TEKT5: variants seen among roughly 807,000 people sequenced by gnomAD.
TEKT5 encodes tektin-5.
Under a neutral mutation model 48.7 loss-of-function variants are expected in TEKT5, and 52 were observed. That is an observed-to-expected ratio of 1.07 (90% CI 0.86 to 1.35). The LOEUF is 1.35. Among genes scored for constraint, TEKT5 ranks in the 40% most tolerant of loss-of-function variants. The probability of loss-of-function intolerance (pLI) is 0.00; values close to 1 mark genes in which losing one functional copy is unlikely to be tolerated. For missense variants in TEKT5, 831 were observed against 641.6 expected (o/e 1.30, Z -3.19); for synonymous variants, 318 against 267.6 (o/e 1.19, Z -1.84).
At chr16:10,678,297 C>A (rs1436583077) in intron 4 of TEKT5, among the ~76,000 whole-genome samples, 1 of 152,094 alleles carries the variant, frequency 6.6e-6, no homozygotes, top group Non-Finnish European at 1.5e-5. Flanking sequence ...CGGGGTTTCA[C>A]CATGTTGGCC....
intron 5 of TEKT5, among the ~76,000 whole-genome samples, chr16:10,646,677 C>T (rs564486942): frequency 6.6e-6 from 1 of 152,216 alleles, no homozygotes; most frequent in South Asian, 2.1e-4. Flanking sequence ...AGTTTGCTCC[C>T]TAAAGAGGAC....
chr16:10,660,252 T>C (rs553485493), intron 5 of TEKT5, among the ~76,000 whole-genome samples: 1 of 152,152 alleles, frequency 6.6e-6, no homozygotes, highest in East Asian at 1.9e-4. Context: ...AGAAAAGGGC[T>C]CTCCTCAGTC....
chr16:10,658,676 C>T (rs1898305667), intron 5 of TEKT5, among the ~76,000 whole-genome samples: 1 of 152,010 alleles, frequency 6.6e-6, no homozygotes, highest in African/African-American at 2.4e-5. Flanking sequence ...TTCCCAACCT[C>T]ATCACCTATT....
intron 4 of TEKT5, 51 bp downstream of exon 4, chr16:10,681,942 C>G (rs373364968): frequency 1.3e-6 from 2 of 1,594,384 alleles, no homozygotes; most frequent in Non-Finnish European, 1.7e-6. Context: ...AGCAGAAGCC[C>G]TCACTCCAGT....
At chr16:10,671,859 C>T (rs12599408) in intron 5 of TEKT5, 14,843 of 152,178 alleles carry the variant, frequency 0.098, 747 homozygotes, top group Non-Finnish European at 0.12. Flanking sequence ...TTCACTATCA[C>T]GAGAAAAGCA....
intron 5 of TEKT5, among the ~76,000 whole-genome samples, chr16:10,660,663 G>C (rs1017021808): frequency 1.6e-4 from 2 of 12,360 alleles, no homozygotes; most frequent in African/African-American, 2.2e-4. Flanking sequence ...GTGCAAGGCT[G>C]TGTGTGTGTG....
At chr16:10,654,243 G>C (rs377610143) in intron 5 of TEKT5, among the ~76,000 whole-genome samples, 1 of 152,070 alleles carries the variant, frequency 6.6e-6, no homozygotes. Context: ...CAGAGATGAG[G>C]TTTTCCCGCG....
rs373626266 is a variant in TEKT5, at chr16:10,647,310, A to T, written c.1087-11392T>A. On this transcript the variant is annotated intron_variant, in intron 5 of 6. Transcript: ENST00000283025. ...TGGTGAGACCCTGTCTCTACAAAAA[A>T]TTTAAAAAAAAATAAGCCGGGCGTG... 5.9e-5 allele frequency among the ~76,000 whole-genome samples: 9 copies of T among 151,756 alleles called. 1 individual carries two copies. The highest frequency in any genetic ancestry group is 3.9e-4 in the East Asian group (2 of 5,164).
chr16:10,673,353 C>G (rs982984511), intron 5 of TEKT5, among the ~76,000 whole-genome samples: 1 of 152,170 alleles, frequency 6.6e-6, no homozygotes, highest in Non-Finnish European at 1.5e-5. Context: ...AGATTGTCCA[C>G]GGCTGCTTTT....
intron 3 of TEKT5, among the ~76,000 whole-genome samples, chr16:10,684,481 G>T (rs1052076032): frequency 6.6e-6 from 1 of 151,772 alleles, no homozygotes; most frequent in Non-Finnish European, 1.5e-5. Context: ...AATCCTCACA[G>T]TGGTGGCGGT....
chr16:10,634,748 G>A (rs925743896), intron 6 of TEKT5, among the ~76,000 whole-genome samples: 1 of 152,144 alleles, frequency 6.6e-6, no homozygotes, highest in African/African-American at 2.4e-5. Context: ...CCACCATGCT[G>A]GAGAGACCCA....
chr16:10,655,855 T>G (rs1160133677), intron 5 of TEKT5, among the ~76,000 whole-genome samples: 1 of 152,214 alleles, frequency 6.6e-6, no homozygotes, highest in East Asian at 1.9e-4. Context: ...GATGATACCA[T>G]GAAGCCATCT....
In TEKT5 at chr16:10,635,773, G is replaced by A. The variant is rs201346320; in HGVS notation, c.1232C>T (p.Pro411Leu). The change falls in exon 6 of 7, where the codon CCG (proline) becomes CTG (leucine). Residue 411 changes from proline (P) to leucine (L), a missense_variant. Pro to Leu is a moderately conservative substitution (Grantham distance 98). Transcript: ENST00000283025. ...RPNMELCRDI[P>L]QLKLVNEVFT... ...GGCCTCCCTCACTTACTTCAACTGC[G>A]GGATGTCCCTGCACAGCTCCATGTT... 26 of 1,612,026 alleles carry A rather than the reference G, an allele frequency of 1.6e-5. No individual in the cohort carries two copies. The highest frequency in any genetic ancestry group is 2.2e-5 in the East Asian group (1 of 44,780).
rs908272267 is a variant in TEKT5 at position 10,685,027 on chromosome 16, G to A, written c.720-2891C>T. On this transcript the variant is annotated intron_variant, in intron 3 of 6. Coordinates refer to ENST00000283025, the MANE Select transcript of TEKT5 (RefSeq NM_144674.2). ...TGCCTGGCTAATGAGGCTCTGGCTG[G>A]CTCTCGGTTAATTAGTATAACCCCA... Among the ~76,000 whole-genome samples the A allele has an allele frequency of 2.6e-5, 4 of 152,222 alleles. No individual in the cohort carries two copies. In the East Asian group the frequency reaches 5.8e-4, roughly 22 times the overall value.
At chr16:10,652,718 CACA>C in intron 5 of TEKT5, among the ~76,000 whole-genome samples, 1 of 108,880 alleles carries the variant, frequency 9.2e-6, no homozygotes. Context: ...CACACACACA[CACA>C]CACCCTCCAG....
At chr16:10,659,212 C>T (rs113381387) in intron 5 of TEKT5, among the ~76,000 whole-genome samples, 107 of 152,288 alleles carry the variant, frequency 7.0e-4, no homozygotes, top group Middle Eastern at 3.4e-3. Context: ...CACACATGTG[C>T]GCACACACGT....
intron 5 of TEKT5, among the ~76,000 whole-genome samples, chr16:10,652,860 CACACACACA>C (rs1567228455): frequency 5.4e-5 from 8 of 148,554 alleles, no homozygotes; most frequent in African/African-American, 1.8e-4. Flanking sequence ...CACACACACA[CACACACACA>C]CCCTCCAGGT....
At position 10,689,936 on chromosome 16, in the gene TEKT5, C is replaced by G; in HGVS notation, c.648+6G>C. The G allele has an allele frequency of 6.2e-7, 1 of 1,613,914 alleles. No individual in the cohort carries two copies. The highest frequency in any genetic ancestry group is 8.5e-7 in the Non-Finnish European group (1 of 1,179,976). The stretch of plus-strand genomic sequence containing the variant: ...GGGGGCTGGGCAGAACCAGGAGATG[C>G]CTTACCCGGATAAGGTTTTTCTCCA... On this transcript the variant is annotated splice_donor_region_variant and intron_variant, in intron 2 of 6. Coordinates refer to ENST00000283025, the MANE Select transcript of TEKT5 (RefSeq NM_144674.2).
intron 5 of TEKT5, among the ~76,000 whole-genome samples, chr16:10,657,717 G>C (rs944042742): frequency 5.3e-5 from 8 of 150,920 alleles, no homozygotes; most frequent in African/African-American, 1.7e-4. Context: ...AGCCTCCTGA[G>C]TAGCTGGGAC....
Sources: allele counts gnomAD v4.1 joint callset (sites outside exome capture counted in the v4.1 genomes callset), GRCh38; gene constraint gnomAD v4.1.1; transcripts MANE v1.5; gene names NCBI Gene and HGNC (gene_info 2026-07-23, HGNC 2026-07-21).